Variants in EBF1 observed in about 807,000 individuals in gnomAD.
EBF1 encodes the protein transcription factor COE1.
Under a neutral mutation model 68.4 loss-of-function variants are expected in EBF1, and 10 were observed. The ratio of observed to expected loss-of-function variants is 0.15; its 90% CI spans 0.09 to 0.25. EBF1 has a LOEUF of 0.25. Among genes scored for constraint, EBF1 ranks in the 10% least tolerant of loss-of-function variants. The pLI, the probability that EBF1 is intolerant of heterozygous loss-of-function variation, is 1.00. For missense variants in EBF1, 509 were observed against 794.4 expected (o/e 0.64, Z 4.32); for synonymous variants, 298 against 299.8 (o/e 0.99, Z 0.06).
chr5:159,042,931 G>A (rs1771536641), intron 6 of EBF1, among the ~76,000 whole-genome samples: 1 of 151,646 alleles, frequency 6.6e-6, no homozygotes, highest in Admixed American at 6.6e-5. Flanking sequence ...CTTAAGGTTA[G>A]GCTTCAGGAA....
At chr5:158,957,884 G>A (rs1472953803) in intron 6 of EBF1, among the ~76,000 whole-genome samples, 1 of 152,170 alleles carries the variant, frequency 6.6e-6, no homozygotes, top group Non-Finnish European at 1.5e-5. Context: ...CAACTGAAGT[G>A]GTCCTTACAA....
intron 6 of EBF1, among the ~76,000 whole-genome samples, chr5:158,870,060 C>T (rs186299083): frequency 6.6e-6 from 1 of 152,150 alleles, no homozygotes; most frequent in Non-Finnish European, 1.5e-5. Flanking sequence ...GCACTTCATG[C>T]CAAAACAAAG....
chr5:158,796,774 G>A (rs974214656), intron 8 of EBF1, among the ~76,000 whole-genome samples: 1 of 152,090 alleles, frequency 6.6e-6, no homozygotes, highest in Non-Finnish European at 1.5e-5. Context: ...GAAATGCTAA[G>A]GATTTTTTTC....
rs189664769 is a variant in EBF1, at chr5:158,990,100, C to T, written c.554+83296G>A. On this transcript the variant is annotated intron_variant, in intron 6 of 15. Transcript: ENST00000313708. ...GGAGCGAAATGTGAACCTCCTGCGG[C>T]AGGGTGAAAATGATTCTAGACATGG... Among the ~76,000 whole-genome samples, 460 of 152,284 alleles carry T rather than the reference C, an allele frequency of 3.0e-3. 1 individual carries two copies. Among genetic ancestry groups the T allele is most frequent in the Non-Finnish European group, 4.9e-3 (336 of 68,018 alleles).
At chr5:158,718,237 A>G (rs1390783372) in intron 11 of EBF1, among the ~76,000 whole-genome samples, 2 of 152,152 alleles carry the variant, frequency 1.3e-5, no homozygotes, top group East Asian at 1.9e-4. Context: ...GCATCGACCT[A>G]CAAAGTTTGA....
chr5:158,725,593 C>G (rs183318010), intron 11 of EBF1, among the ~76,000 whole-genome samples: 1 of 152,342 alleles, frequency 6.6e-6, no homozygotes, highest in Admixed American at 6.5e-5. Flanking sequence ...GCTTGCAAAG[C>G]AAAAGGCTGC....
chr5:158,838,382 C>CT lies in EBF1; in HGVS notation c.636+1646dup, dbSNP rs1169827313. On this transcript the variant is annotated intron_variant, in intron 7 of 15. Coordinates refer to ENST00000313708, the MANE Select transcript of EBF1 (RefSeq NM_024007.5). ...AATGGCATGAACCCGGGAGGCAGAG[C>CT]TTGCAGTGAGCCAAGATTGTGCCAC... Among the ~76,000 whole-genome samples the CT allele has an allele frequency of 3.5e-5, 5 of 141,790 alleles. No individual in the cohort carries two copies. The South Asian group carries it at 9.6e-4, about 27-fold the overall frequency. The allele number at this position is 141,790 out of a possible 152,430, so 93.0% of individuals were successfully genotyped here. A position where few individuals can be genotyped will look rare whatever the true frequency, so the allele number is the denominator to read the frequency against.
At chr5:159,040,565 A>G (rs1770993811) in intron 6 of EBF1, among the ~76,000 whole-genome samples, 1 of 152,252 alleles carries the variant, frequency 6.6e-6, no homozygotes, top group Non-Finnish European at 1.5e-5. Context: ...TCCTGGAAAC[A>G]GGGAAAGCAT....
intron 6 of EBF1, among the ~76,000 whole-genome samples, chr5:158,852,486 G>C (rs1168128387): frequency 6.6e-6 from 1 of 152,074 alleles, no homozygotes; most frequent in Non-Finnish European, 1.5e-5. Context: ...CACAAGCTGA[G>C]CTCAGATAAA....
At chr5:158,976,314 G>A (rs898827143) in intron 6 of EBF1, among the ~76,000 whole-genome samples, 1 of 152,002 alleles carries the variant, frequency 6.6e-6, no homozygotes, top group Admixed American at 6.6e-5. Context: ...AGGCAGAATG[G>A]ATTTCTTTGT....
intron 7 of EBF1, among the ~76,000 whole-genome samples, chr5:158,837,262 G>A (rs1789014985): frequency 1.3e-5 from 2 of 152,088 alleles, no homozygotes; most frequent in South Asian, 2.1e-4. Flanking sequence ...ATGCATGGGG[G>A]CACCCCCCAT....
chr5:159,087,321 T>C lies in EBF1; in HGVS notation c.412-2582A>G, dbSNP rs562250670. 2.9e-3 allele frequency among the ~76,000 whole-genome samples: 394 copies of C among 136,260 alleles called. 6 individuals carry two copies. The highest frequency in any genetic ancestry group is 0.01 in the African/African-American group (368 of 35,624). 89.4% of individuals were successfully genotyped at this position (136,260 alleles called of 152,430 possible). On this transcript the variant is annotated intron_variant, in intron 4 of 15. Coordinates refer to ENST00000313708, the MANE Select transcript of EBF1 (RefSeq NM_024007.5). Reference sequence around the variant, plus strand: ...ATATATATACACACACACATATATATACACATATATATATACACACACATA... The same window carrying C: ...ATATATATACACACACACATATATACACACATATATATATACACACACATA...
intron 6 of EBF1, among the ~76,000 whole-genome samples, chr5:158,929,849 A>C (rs900656801): frequency 4.6e-5 from 7 of 152,352 alleles, no homozygotes; most frequent in East Asian, 1.9e-4. Context: ...AAAAAGGTAC[A>C]TAATTCGGTT....
intron 6 of EBF1, among the ~76,000 whole-genome samples, chr5:158,937,230 A>G (rs1285371736): frequency 6.6e-6 from 1 of 152,136 alleles, no homozygotes; most frequent in Non-Finnish European, 1.5e-5. Flanking sequence ...CCGTCTTTCA[A>G]AGAGATTTTT....
rs1476541840 is a variant in EBF1 at position 159,076,937 on chromosome 5, A to C, written c.486-3473T>G. 2.0e-5 allele frequency among the ~76,000 whole-genome samples: 3 copies of C among 152,374 alleles called. No individual in the cohort carries two copies. In the East Asian group the frequency reaches 5.8e-4, roughly 29 times the overall value. ...AAAGAATGAAGGTAGAGTTAGAAGC[A>C]CTGGAATGGAAAGAAATGTACAGCA... On this transcript the variant is annotated intron_variant, in intron 5 of 15. Coordinates refer to ENST00000313708, the MANE Select transcript of EBF1 (RefSeq NM_024007.5).
intron 6 of EBF1, among the ~76,000 whole-genome samples, chr5:158,978,835 C>CACACACACACACACACACACAGAGAG (rs753714441): frequency 6.8e-6 from 1 of 146,934 alleles, no homozygotes; most frequent in African/African-American, 2.6e-5. Context: ...CACACACACA[C>CACACACACACACACACACACAGAGAG]AGAGAGAGAG....
intron 12 of EBF1, 114 bp downstream of exon 12, chr5:158,714,003 C>T (rs1760057081): frequency 9.1e-7 from 1 of 1,095,690 alleles, no homozygotes. Flanking sequence ...TACTTATACT[C>T]TTAACTCATG....
At chr5:159,030,621 G>C (rs926003716) in intron 6 of EBF1, among the ~76,000 whole-genome samples, 1 of 152,164 alleles carries the variant, frequency 6.6e-6, no homozygotes, top group South Asian at 2.1e-4. Context: ...AAGGAGCAAG[G>C]GGAGCAAGAA....
chr5:158,995,451 T>A lies in EBF1; in HGVS notation c.554+77945A>T, dbSNP rs1671047045. 2.0e-5 allele frequency among the ~76,000 whole-genome samples: 3 copies of A among 152,248 alleles called. No homozygotes were observed. In the South Asian group the frequency reaches 6.2e-4, roughly 32 times the overall value. On this transcript the variant is annotated intron_variant, in intron 6 of 15. Transcript: ENST00000313708. ...GTGAATTCAGCAGCAAATGCACAGG[T>A]GTCAGGATTCGGTGACTATATAATC...
Sources: gnomAD v4.1 joint callset for allele counts (sites outside exome capture counted in the v4.1 genomes callset) on GRCh38, gnomAD v4.1.1 for gene constraint, MANE v1.5 for transcripts, NCBI Gene and HGNC (gene_info 2026-07-23, HGNC 2026-07-21) for gene names.